Variants in NLGN1 observed in about 807,000 individuals in gnomAD.
NLGN1 encodes the protein neuroligin-1.
A neutral mutation model predicts 65.5 loss-of-function variants in NLGN1; 12 were observed. The observed-to-expected ratio is 0.18, with a 90% CI of 0.12 to 0.30. The LOEUF is 0.30. Among genes scored for constraint, NLGN1 ranks in the 10% least tolerant of loss-of-function variants. The pLI, the probability that NLGN1 is intolerant of heterozygous loss-of-function variation, is 1.00. For synonymous variants in NLGN1, 350 were observed against 359.5 expected (o/e 0.97, Z 0.30); for missense variants, 750 against 1,007.1 (o/e 0.74, Z 3.46).
intron 4 of NLGN1, among the ~76,000 whole-genome samples, chr3:173,968,687 CTTTTTTTTTTTTT>C (rs34662762): frequency 6.7e-5 from 4 of 59,446 alleles, no homozygotes; most frequent in Admixed American, 2.9e-4. Flanking sequence ...TGAAAATAAT[CTTTTTTTTTTTTT>C]TTTTTTTTTT....
rs144361042 is a variant in NLGN1, at chr3:173,885,693, A to G, written c.646+77861A>G. ...TAATCAATTCACTAAATAGTTAAAC[A>G]CTTGAATATTTTTATACTGCTGGAT... On this transcript the variant is annotated intron_variant, in intron 4 of 6. Coordinates refer to ENST00000457714, the Ensembl canonical transcript of NLGN1. Among the ~76,000 whole-genome samples, 147 of 152,260 alleles carry G rather than the reference A, an allele frequency of 9.7e-4. 2 individuals are homozygous for G. In the East Asian group the frequency reaches 0.024, roughly 25 times the overall value.
At chr3:174,232,160 A>G (rs543400060) in intron 4 of NLGN1, among the ~76,000 whole-genome samples, 1 of 152,112 alleles carries the variant, frequency 6.6e-6, no homozygotes, top group Non-Finnish European at 1.5e-5. Flanking sequence ...GGGCCGTTTT[A>G]TAGGATTTGG....
rs1016731565 is a variant in NLGN1, at chr3:173,513,852, C to A, written c.-321+78774C>A. On this transcript the variant is annotated intron_variant, in intron 2 of 6. Coordinates refer to ENST00000457714, the Ensembl canonical transcript of NLGN1. ...ACCAGCCTGGCCAACATGGTGAAAC[C>A]CCGTCTCTACTAAAAATACAAAAAA... is the stretch of plus-strand genomic sequence containing the variant. Among the ~76,000 whole-genome samples, 4 of 151,944 alleles carry A rather than the reference C, an allele frequency of 2.6e-5. No individual in the cohort carries two copies. The East Asian group carries it at 7.8e-4, about 30-fold the overall frequency.
chr3:174,114,704 C>T (rs1433170620), intron 4 of NLGN1, among the ~76,000 whole-genome samples: 2 of 152,150 alleles, frequency 1.3e-5, no homozygotes, highest in African/African-American at 4.8e-5. Context: ...GCATAGTTTA[C>T]ATGCACTTAT....
rs188511883 is a variant in NLGN1 at position 173,722,304 on chromosome 3, C to T, written c.494-85376C>T. On this transcript the variant is annotated intron_variant, in intron 3 of 6. Transcript: ENST00000457714. The stretch of plus-strand genomic sequence containing the variant: ...TGTTGCTCAGGCTGGAGTGCAATGG[C>T]GTGATCTTGGCTCACTGCAACCTCT... Among the ~76,000 whole-genome samples the T allele has an allele frequency of 5.1e-3, 686 of 135,358 alleles. 8 individuals are homozygous for T. The highest frequency in any genetic ancestry group is 5.3e-3 in the Non-Finnish European group (349 of 65,746). The allele number at this position is 135,358 out of a possible 152,430, so 88.8% of individuals were successfully genotyped here.
At chr3:174,011,541 A>G (rs1725546090) in intron 4 of NLGN1, among the ~76,000 whole-genome samples, 1 of 152,160 alleles carries the variant, frequency 6.6e-6, no homozygotes, top group African/African-American at 2.4e-5. Context: ...TATAGTAGTT[A>G]TGTTTCTTGG....
intron 4 of NLGN1, among the ~76,000 whole-genome samples, chr3:174,241,244 C>T (rs371859270): frequency 1.3e-5 from 2 of 151,896 alleles, no homozygotes; most frequent in African/African-American, 2.4e-5. Flanking sequence ...TATTCATAAC[C>T]GGAGTCATTG....
At chr3:174,167,886 C>T (rs1220356618) in intron 4 of NLGN1, among the ~76,000 whole-genome samples, 2 of 151,846 alleles carry the variant, frequency 1.3e-5, no homozygotes, top group African/African-American at 2.4e-5. Context: ...TTCTCAAACG[C>T]TTTCCTCAGT....
chr3:173,943,174 C>G lies in NLGN1; in HGVS notation c.646+135342C>G, dbSNP rs543125722. On this transcript the variant is annotated intron_variant, in intron 4 of 6. Coordinates refer to ENST00000457714, the Ensembl canonical transcript of NLGN1. ...CCTGGGAGGTAGAGGCTGTAGTGAA[C>G]TGTAATGGCACCACTGCACTCCAGC... Among the ~76,000 whole-genome samples the G allele has an allele frequency of 6.6e-5, 10 of 151,792 alleles. No homozygotes were observed. In the South Asian group the frequency reaches 1.2e-3, roughly 19 times the overall value.
chr3:173,552,559 A>C (rs1220575387), intron 2 of NLGN1, among the ~76,000 whole-genome samples: 1 of 152,126 alleles, frequency 6.6e-6, no homozygotes, highest in Non-Finnish European at 1.5e-5. Flanking sequence ...GAAGGGTGAG[A>C]ATAATGGGAT....
At chr3:173,531,874 C>T (rs1326232538) in intron 2 of NLGN1, among the ~76,000 whole-genome samples, 2 of 152,096 alleles carry the variant, frequency 1.3e-5, no homozygotes, top group Non-Finnish European at 2.9e-5. Flanking sequence ...TAAAATCCTG[C>T]ATTTCATTAT....
intron 4 of NLGN1, among the ~76,000 whole-genome samples, chr3:174,244,921 G>A (rs141205594): frequency 3.3e-5 from 5 of 152,212 alleles, no homozygotes; most frequent in Non-Finnish European, 5.9e-5. Context: ...CATAGATGTC[G>A]CAGGAATGAT....
At chr3:174,062,239 G>C (rs1030940587) in intron 4 of NLGN1, among the ~76,000 whole-genome samples, 1 of 151,982 alleles carries the variant, frequency 6.6e-6, no homozygotes, top group African/African-American at 2.4e-5. Flanking sequence ...TGGGAGTGAG[G>C]GACAATGGGC....
At chr3:174,003,474 T>A (rs1426341262) in intron 4 of NLGN1, among the ~76,000 whole-genome samples, 1 of 152,164 alleles carries the variant, frequency 6.6e-6, no homozygotes, top group African/African-American at 2.4e-5. Context: ...TTAGAAGCAC[T>A]TTTGTAAATT....
At chr3:173,534,542 C>A (rs1737131735) in intron 2 of NLGN1, among the ~76,000 whole-genome samples, 3 of 152,196 alleles carry the variant, frequency 2.0e-5, no homozygotes, top group African/African-American at 7.2e-5. Flanking sequence ...AAACTATACT[C>A]TTGTATACAA....
At chr3:173,892,934 C>T (rs1489405882) in intron 4 of NLGN1, among the ~76,000 whole-genome samples, 1 of 152,094 alleles carries the variant, frequency 6.6e-6, no homozygotes, top group African/African-American at 2.4e-5. Flanking sequence ...AGCCTTTTTT[C>T]CCCTTTTCTA....
intron 3 of NLGN1, among the ~76,000 whole-genome samples, chr3:173,610,952 G>A (rs4894447): frequency 0.027 from 4,175 of 152,014 alleles, 84 homozygotes; most frequent in Middle Eastern, 0.041. Flanking sequence ...AACAGCAAAC[G>A]AACAATATTA....
At chr3:173,769,324 A>G (rs1045025270) in intron 3 of NLGN1, among the ~76,000 whole-genome samples, 1 of 152,120 alleles carries the variant, frequency 6.6e-6, no homozygotes, top group African/African-American at 2.4e-5. Context: ...TCCATCCCTC[A>G]TCTTCCACCA....
At chr3:173,453,842 G>T (rs1483704785) in intron 2 of NLGN1, among the ~76,000 whole-genome samples, 1 of 152,092 alleles carries the variant, frequency 6.6e-6, no homozygotes, top group Non-Finnish European at 1.5e-5. Flanking sequence ...TTTATATTTT[G>T]ATCTCCTCCC....
Sources: gnomAD v4.1 joint callset for allele counts (sites outside exome capture counted in the v4.1 genomes callset) on GRCh38, gnomAD v4.1.1 for gene constraint, MANE v1.5 for transcripts, NCBI Gene and HGNC (gene_info 2026-07-23, HGNC 2026-07-21) for gene names.